The following BTBD9 variants were observed in gnomAD, a reference collection of about 807,000 sequenced individuals.
BTBD9 encodes the protein BTB domain containing 9.
Under a neutral mutation model 64.3 loss-of-function variants are expected in BTBD9, and 49 were observed. The observed-to-expected ratio is 0.76, with a 90% CI of 0.61 to 0.97. The LOEUF (loss-of-function observed/expected upper bound fraction) is 0.97. Ranked by LOEUF, BTBD9 falls within the 50% of genes least tolerant of loss-of-function variation. The pLI is 0.00. For missense variants in BTBD9, 598 were observed against 762.1 expected (o/e 0.78, Z 2.53); for synonymous variants, 260 against 274.7 (o/e 0.95, Z 0.53).
At chr6:38,194,673 G>A (rs1192811842) in intron 9 of BTBD9, among the ~76,000 whole-genome samples, 1 of 152,186 alleles carries the variant, frequency 6.6e-6, no homozygotes, top group Non-Finnish European at 1.5e-5. Flanking sequence ...AAGATGTAGA[G>A]GAGGTTTGAG....
At position 38,304,123 on chromosome 6, in the gene BTBD9, T is replaced by C. The variant is rs142507685; in HGVS notation, c.1265-15662A>G. Among the ~76,000 whole-genome samples, 6 of 151,852 alleles carry C rather than the reference T, an allele frequency of 4.0e-5. No individual in the cohort carries two copies. In the East Asian group the frequency reaches 1.2e-3, roughly 29 times the overall value. On this transcript the variant is annotated intron_variant, in intron 7 of 10. Transcript: ENST00000481247. The stretch of plus-strand genomic sequence containing the variant: ...CATGTATGTATATATATCAGTGATA[T>C]ATATGCATATGGATACGTGTATATC...
intron 7 of BTBD9, among the ~76,000 whole-genome samples, chr6:38,319,063 T>C (rs1763134602): frequency 1.3e-5 from 2 of 152,180 alleles, no homozygotes; most frequent in Admixed American, 6.5e-5. Context: ...CAGGGAGTAC[T>C]GCCAGGGTAC....
At chr6:38,358,645 A>G (rs1472911677) in intron 6 of BTBD9, among the ~76,000 whole-genome samples, 1 of 152,156 alleles carries the variant, frequency 6.6e-6, no homozygotes, top group Non-Finnish European at 1.5e-5. Flanking sequence ...ATTCCATTTT[A>G]CTGCTTACTC....
chr6:38,492,400 T>C (rs1317827637), intron 6 of BTBD9, among the ~76,000 whole-genome samples: 1 of 152,216 alleles, frequency 6.6e-6, no homozygotes, highest in Admixed American at 6.5e-5. Context: ...ATGGAGATAA[T>C]ATTTACACCT....
At chr6:38,476,621 C>A (rs1770893181) in intron 6 of BTBD9, among the ~76,000 whole-genome samples, 1 of 152,132 alleles carries the variant, frequency 6.6e-6, no homozygotes, top group South Asian at 2.1e-4. Context: ...TTTATCAAGG[C>A]AAAGACAGTA....
chr6:38,224,309 T>C (rs1763316148), intron 9 of BTBD9, among the ~76,000 whole-genome samples: 1 of 152,270 alleles, frequency 6.6e-6, no homozygotes. Flanking sequence ...TCATTCCTCT[T>C]GGATTTGTCT....
intron 9 of BTBD9, among the ~76,000 whole-genome samples, chr6:38,217,089 A>T (rs1056435523): frequency 1.7e-4 from 26 of 151,372 alleles, no homozygotes; most frequent in African/African-American, 6.1e-4. Context: ...TGGGTGGATC[A>T]TGAGGTCAGG....
At chr6:38,243,158 G>A (rs1764064505) in intron 9 of BTBD9, among the ~76,000 whole-genome samples, 1 of 152,248 alleles carries the variant, frequency 6.6e-6, no homozygotes, top group Admixed American at 6.5e-5. Flanking sequence ...TGAAAGGAAA[G>A]TAGGAATATA....
intron 6 of BTBD9, among the ~76,000 whole-genome samples, chr6:38,362,754 C>T (rs1765014190): frequency 6.6e-6 from 1 of 152,144 alleles, no homozygotes; most frequent in African/African-American, 2.4e-5. Context: ...AGGAAAACCA[C>T]CAGTAAGGTT....
chr6:38,273,635 C>G (rs1390870212), intron 8 of BTBD9, among the ~76,000 whole-genome samples: 2 of 152,106 alleles, frequency 1.3e-5, no homozygotes, highest in Admixed American at 1.3e-4. Context: ...GATGACCATA[C>G]CAGAGAATCA....
chr6:38,372,475 T>C (rs189202392), intron 6 of BTBD9, among the ~76,000 whole-genome samples: 12 of 131,370 alleles, frequency 9.1e-5, no homozygotes, highest in Non-Finnish European at 3.4e-5. Flanking sequence ...TAAAAGAAAA[T>C]CCCGCTCCAC....
intron 6 of BTBD9, among the ~76,000 whole-genome samples, chr6:38,464,081 T>G (rs1047050647): frequency 6.6e-6 from 1 of 152,054 alleles, no homozygotes; most frequent in Non-Finnish European, 1.5e-5. Context: ...GGCTCTAATC[T>G]GAGAAGTGTC....
At chr6:38,367,961 TAGAA>T (rs1390113208) in intron 6 of BTBD9, among the ~76,000 whole-genome samples, 2 of 152,006 alleles carry the variant, frequency 1.3e-5, no homozygotes, top group Admixed American at 6.6e-5. Flanking sequence ...GATGCGATAA[TAGAA>T]AGGAGGAAAG....
intron 6 of BTBD9, among the ~76,000 whole-genome samples, chr6:38,443,884 G>A (rs1455227227): frequency 6.6e-6 from 1 of 152,086 alleles, no homozygotes; most frequent in African/African-American, 2.4e-5. Context: ...CTCTGCCCAG[G>A]GGTATGATTC....
At chr6:38,456,580 TG>T (rs1769821369) in intron 6 of BTBD9, among the ~76,000 whole-genome samples, 1 of 152,202 alleles carries the variant, frequency 6.6e-6, no homozygotes, top group Admixed American at 6.5e-5. Context: ...TATCTCAGTG[TG>T]GTTTTAATCT....
intron 10 of BTBD9, among the ~76,000 whole-genome samples, chr6:38,188,881 G>A (rs1761933369): frequency 1.3e-5 from 2 of 152,330 alleles, no homozygotes; most frequent in Middle Eastern, 3.4e-3. Context: ...AAAGAAGGCC[G>A]TCTGAGGACA....
chr6:38,577,622 A>G lies in BTBD9; in HGVS notation c.1132T>C (p.Tyr378His), dbSNP rs1353759886. The G allele has an allele frequency of 1.9e-6, 3 of 1,609,572 alleles. No homozygotes were observed. The highest frequency in any genetic ancestry group is 1.7e-4 in the Middle Eastern group (1 of 6,056). Residue 378 changes from tyrosine (Y) to histidine (H), a missense_variant, in exon 6 of 11, where the codon TAT (tyrosine) becomes CAT (histidine). Coordinates refer to ENST00000481247, the MANE Select transcript of BTBD9 (RefSeq NM_001099272.2). ...QYLCRSWQKL[Y>H]FPARVCRYIR... ...AACCTGCAGACACGGGCTGGAAAATATAATTTCTGCCAAGAACGACACAGA... is the reference window on the plus strand; with the variant it reads ...AACCTGCAGACACGGGCTGGAAAATGTAATTTCTGCCAAGAACGACACAGA...
chr6:38,597,555 G>C (rs1039780596), intron 2 of BTBD9, among the ~76,000 whole-genome samples: 2 of 152,144 alleles, frequency 1.3e-5, no homozygotes, highest in African/African-American at 4.8e-5. Context: ...CAGGTCCACA[G>C]GGCAGTCTAC....
At chr6:38,487,104 C>G (rs1771471359) in intron 6 of BTBD9, among the ~76,000 whole-genome samples, 1 of 152,122 alleles carries the variant, frequency 6.6e-6, no homozygotes, top group Admixed American at 6.5e-5. Flanking sequence ...AGGAACAGCA[C>G]AAAGGACACA....
Sources: allele counts gnomAD v4.1 joint callset (sites outside exome capture counted in the v4.1 genomes callset), GRCh38; gene constraint gnomAD v4.1.1; transcripts MANE v1.5; gene names NCBI Gene and HGNC (gene_info 2026-07-23, HGNC 2026-07-21).